Variants in LRP5 observed in about 807,000 individuals in gnomAD.
LRP5 encodes LDL receptor related protein 5.
In LRP5, 62 loss-of-function variants were observed where a neutral mutation model predicts 154.1. The observed-to-expected ratio is 0.40, with a 90% CI of 0.33 to 0.50. The LOEUF (loss-of-function observed/expected upper bound fraction) is 0.50. Among genes scored for constraint, LRP5 ranks in the 20% least tolerant of loss-of-function variants. The probability of loss-of-function intolerance (pLI) is 0.55; values close to 1 mark genes in which losing one functional copy is unlikely to be tolerated. For missense variants in LRP5, 1,915 were observed against 2,336.7 expected (o/e 0.82, Z 3.72); for synonymous variants, 966 against 1,011.5 (o/e 0.96, Z 0.85).
At position 68,362,099 on chromosome 11, in the gene LRP5, G is replaced by A. The variant is rs558030212; in HGVS notation, c.687-1648G>A. On this transcript the variant is annotated intron_variant, in intron 3 of 22. Transcript: ENST00000294304. ...CTGGAATATGGTTCACCCCTAAAAC[G>A]GGATGAAGCACTGACATGCTACAGC... Among the ~76,000 whole-genome samples, 13 of 152,360 alleles carry A rather than the reference G, an allele frequency of 8.5e-5. No homozygotes were observed. In the East Asian group the frequency reaches 1.7e-3, roughly 20 times the overall value.
chr11:68,326,545 G>A lies in LRP5; in HGVS notation c.91+13740G>A, dbSNP rs552750353. On this transcript the variant is annotated intron_variant, in intron 1 of 22. Coordinates refer to ENST00000294304, the MANE Select transcript of LRP5 (RefSeq NM_002335.4). ...CCGTGACGGTCAGTGCCTTTGCCCC[G>A]CTCTGACGACCAGGCCCTGTGCGCA... is the stretch of plus-strand genomic sequence containing the variant. Among the ~76,000 whole-genome samples the A allele has an allele frequency of 7.2e-5, 11 of 152,296 alleles. No individual in the cohort carries two copies. The East Asian group carries it at 1.7e-3, about 24-fold the overall frequency.
chr11:68,329,840 G>A (rs1294850669), intron 1 of LRP5, among the ~76,000 whole-genome samples: 4 of 152,230 alleles, frequency 2.6e-5, no homozygotes, highest in Admixed American at 6.5e-5. Context: ...GCCTTGGGCC[G>A]CTTCCGGGGG....
At chr11:68,372,909 G>C (rs894214722) in intron 5 of LRP5, among the ~76,000 whole-genome samples, 1 of 152,048 alleles carries the variant, frequency 6.6e-6, no homozygotes, top group African/African-American at 2.4e-5. Flanking sequence ...GGTCAGGAGG[G>C]GGGCAGGGCC....
chr11:68,300,947 A>C, the LRP5 span, among the ~76,000 whole-genome samples: 1 of 145,740 alleles, frequency 6.9e-6, no homozygotes, highest in Non-Finnish European at 1.5e-5. Context: ...TTTTTTTGAG[A>C]GAGAGTTTCG....
At chr11:68,351,903 CA>C (rs2098618938) in intron 2 of LRP5, among the ~76,000 whole-genome samples, 3 of 152,106 alleles carry the variant, frequency 2.0e-5, no homozygotes, top group Admixed American at 1.3e-4. Context: ...TGTCTGGGGG[CA>C]GCGCGGTCCA....
chr11:68,426,831 G>A (rs941860131), intron 16 of LRP5, among the ~76,000 whole-genome samples: 14 of 152,226 alleles, frequency 9.2e-5, no homozygotes, highest in African/African-American at 3.4e-4. Flanking sequence ...TGTCAGGAAC[G>A]CTGGGCCCTC....
rs901823 is a variant in LRP5 at position 68,438,110 on chromosome 11, T to C, written c.4112-336T>C. ...GCTTTGCTCGTTCACCAACATCACC[T>C]GGGCTGGCCAGGGCGCGCTCACTTC... On this transcript the variant is annotated intron_variant, in intron 19 of 22. Coordinates refer to ENST00000294304, the MANE Select transcript of LRP5 (RefSeq NM_002335.4). Among the ~76,000 whole-genome samples, 52,513 of 152,180 alleles carry C rather than the reference T, an allele frequency of 0.35. 9,961 individuals are homozygous for C. Among genetic ancestry groups the C allele is most frequent in the Middle Eastern group, 0.5 (148 of 294 alleles).
At chr11:68,382,835 C>T (rs1200396332) in intron 5 of LRP5, among the ~76,000 whole-genome samples, 1 of 151,958 alleles carries the variant, frequency 6.6e-6, no homozygotes, top group Non-Finnish European at 1.5e-5. Flanking sequence ...ATCCTCATAG[C>T]TCAAGGGGTG....
At chr11:68,406,912 C>T (rs1361357501) in intron 9 of LRP5, 99 bp downstream of exon 9, 29 of 1,217,276 alleles carry the variant, frequency 2.4e-5, no homozygotes, top group African/African-American at 1.2e-4. Flanking sequence ...AAAGCACTAT[C>T]GTATTTATTG....
chr11:68,433,611 C>T lies in LRP5; in HGVS notation c.3773C>T (p.Thr1258Ile). The change falls in exon 18 of 23, where the codon ACC becomes ATC. Residue 1258 changes from threonine to isoleucine, a missense_variant. Thr to Ile is a moderately conservative substitution (Grantham distance 89). This residue lies in a region of LRP5 where 1,094 missense variants were observed against 1,210.1 expected (regional missense o/e 0.90). Coordinates refer to ENST00000294304, the MANE Select transcript of LRP5 (RefSeq NM_002335.4). The part of the protein sequence containing the change: ...QNLLTCGEPP[T>I]CSPDQFACAT... The stretch of plus-strand genomic sequence containing the variant: ...TCTGTCCCTCCCCCAGAGCCGCCCA[C>T]CTGCTCCCCGGACCAGTTTGCATGT... 6.2e-7 allele frequency: 1 copy of T among 1,613,450 alleles called. No individual in the cohort carries two copies. Among genetic ancestry groups the T allele is most frequent in the Non-Finnish European group, 8.5e-7 (1 of 1,179,968 alleles).
chr11:68,323,780 T>C (rs749216791), intron 1 of LRP5, among the ~76,000 whole-genome samples: 6 of 152,188 alleles, frequency 3.9e-5, no homozygotes, highest in Admixed American at 6.5e-5. Context: ...TTTAATGCGT[T>C]CTCAAGAATT....
intron 1 of LRP5, among the ~76,000 whole-genome samples, chr11:68,341,630 A>T (rs1565329617): frequency 6.6e-6 from 1 of 152,044 alleles, no homozygotes; most frequent in African/African-American, 2.4e-5. Context: ...AGGCGCCCAG[A>T]GGACCAGCAC....
At chr11:68,316,094 C>G (rs1273454566) in intron 1 of LRP5, among the ~76,000 whole-genome samples, 1 of 152,130 alleles carries the variant, frequency 6.6e-6, no homozygotes, top group Non-Finnish European at 1.5e-5. Context: ...ACGGTGACTT[C>G]CCGTTCCCTC....
chr11:68,380,089 C>G (rs1367220431), intron 5 of LRP5, among the ~76,000 whole-genome samples: 2 of 152,210 alleles, frequency 1.3e-5, no homozygotes, highest in Admixed American at 1.3e-4. Context: ...GTCGAGATCG[C>G]GCCACTGCAC....
rs760197742 is a variant in LRP5, at chr11:68,348,085, C to G, written c.330C>G (p.Pro110=). 3 of 1,614,110 alleles carry G rather than the reference C, an allele frequency of 1.9e-6. No homozygotes were observed. Among genetic ancestry groups the G allele is most frequent in the Middle Eastern group, 1.6e-4 (1 of 6,062 alleles). Residue 110 remains proline (P), a synonymous_variant, in exon 2 of 23, where the codon CCC becomes CCG. Coordinates refer to ENST00000294304, the MANE Select transcript of LRP5 (RefSeq NM_002335.4). ...TGGTCATCTCCGGCCTGGTCTCTCC[C>G]GACGGCCTCGCCTGCGACTGGGTGG... ...QNVVISGLVS[P]DGLACDWVGK... is the part of the protein sequence containing the mutation.
At chr11:68,318,998 G>A (rs1399597338) in intron 1 of LRP5, among the ~76,000 whole-genome samples, 1 of 151,872 alleles carries the variant, frequency 6.6e-6, no homozygotes, top group Non-Finnish European at 1.5e-5. Flanking sequence ...CCTCTGGATC[G>A]CTAGAGATTG....
chr11:68,358,371 C>T (rs2098624951), intron 3 of LRP5, among the ~76,000 whole-genome samples: 1 of 152,172 alleles, frequency 6.6e-6, no homozygotes, highest in African/African-American at 2.4e-5. Flanking sequence ...CCCTCGGCTC[C>T]CAGAGTGCTG....
chr11:68,416,583 G>C (rs1229535977), intron 13 of LRP5, 56 bp downstream of exon 13: 1 of 1,551,132 alleles, frequency 6.4e-7, no homozygotes, highest in Non-Finnish European at 8.8e-7. Context: ...TCCTCTTGCT[G>C]GTTTCCAGGC....
At chr11:68,303,942 G>C in the LRP5 span, among the ~76,000 whole-genome samples, 4 of 152,298 alleles carry the variant, frequency 2.6e-5, no homozygotes, top group Admixed American at 1.3e-4. Context: ...TTGCAGCCTG[G>C]CCATGTGACA....
Sources: gnomAD v4.1 joint callset for allele counts (sites outside exome capture counted in the v4.1 genomes callset) on GRCh38, gnomAD v4.1.1 for gene constraint, gnomAD v4.1.1 regional missense constraint, MANE v1.5 for transcripts, NCBI Gene and HGNC (gene_info 2026-07-23, HGNC 2026-07-21) for gene names.